The following FBLN1 variants were observed in gnomAD, a reference collection of about 807,000 sequenced individuals.
FBLN1 encodes fibulin-1.
FBLN1 carries 34 observed loss-of-function variants against 89.7 expected under a neutral mutation model. The ratio of observed to expected loss-of-function variants is 0.38; its 90% CI spans 0.29 to 0.50. FBLN1 has a LOEUF of 0.50. Among genes scored for constraint, FBLN1 ranks in the 20% least tolerant of loss-of-function variants. The pLI is 0.92. For missense variants in FBLN1, 777 were observed against 988.1 expected (o/e 0.79, Z 2.86); for synonymous variants, 393 against 391.3 (o/e 1.00, Z -0.05).
chr22:45,515,322 G>A (rs770447540), intron 1 of FBLN1, among the ~76,000 whole-genome samples: 5 of 152,202 alleles, frequency 3.3e-5, no homozygotes, highest in African/African-American at 4.8e-5. Flanking sequence ...TAATGACGGG[G>A]TGAGCTCAGC....
At chr22:45,503,225 C>A (rs2087971665) in intron 1 of FBLN1, 161 bp downstream of exon 1, 1 of 372,592 alleles carries the variant, frequency 2.7e-6, no homozygotes. Flanking sequence ...CCCCCCTCCC[C>A]CACGGCCAGC....
intron 1 of FBLN1, among the ~76,000 whole-genome samples, chr22:45,516,135 G>A (rs1202398282): frequency 1.3e-5 from 2 of 152,196 alleles, no homozygotes; most frequent in Admixed American, 6.5e-5. Flanking sequence ...GCCAGGAGAG[G>A]GTGACAGGGC....
intron 16 of FBLN1, among the ~76,000 whole-genome samples, chr22:45,598,109 T>C (rs2089201611): frequency 6.6e-6 from 1 of 152,198 alleles, no homozygotes; most frequent in Non-Finnish European, 1.5e-5. Context: ...AATCAGCCGT[T>C]TGTGGCAAAC....
chr22:45,529,946 C>G (rs1043835397), intron 4 of FBLN1, among the ~76,000 whole-genome samples: 2 of 152,164 alleles, frequency 1.3e-5, no homozygotes, highest in Non-Finnish European at 2.9e-5. Context: ...CCTGTAGTCT[C>G]TAAGTCAAGG....
chr22:45,595,643 T>G (rs1361975293), intron 16 of FBLN1, among the ~76,000 whole-genome samples: 2 of 152,304 alleles, frequency 1.3e-5, no homozygotes, highest in African/African-American at 4.8e-5. Flanking sequence ...ACAATCATTT[T>G]CTATATGTTC....
At position 45,575,323 on chromosome 22, in the gene FBLN1, A is replaced by AG. The variant is rs1398885901; in HGVS notation, c.1840+674dup. 6.6e-6 allele frequency among the ~76,000 whole-genome samples: 1 copy of AG among 151,882 alleles called. No individual in the cohort carries two copies. The highest frequency in any genetic ancestry group is 1.5e-5 in the Non-Finnish European group (1 of 67,986). ...GAGGTATTTGAGTGAAAGGGGGAGA[A>AG]GGGGAGGAGGGTGCCCAGTGGAGCA... On this transcript the variant is annotated intron_variant, in intron 15 of 16. Transcript: ENST00000327858. The surrounding 1 kb of genome is among the most constrained non-coding windows in gnomAD (Gnocchi z 6.3).
intron 3 of FBLN1, among the ~76,000 whole-genome samples, chr22:45,527,019 A>T (rs953632176): frequency 6.6e-6 from 1 of 152,178 alleles, no homozygotes; most frequent in Admixed American, 6.5e-5. Flanking sequence ...ACCCCAAAAG[A>T]TGGATGAGGT....
intron 1 of FBLN1, among the ~76,000 whole-genome samples, chr22:45,507,146 A>G (rs931889259): frequency 2.0e-5 from 3 of 152,054 alleles, no homozygotes; most frequent in African/African-American, 7.2e-5. Flanking sequence ...TCACCCAGCG[A>G]GGAGCGGGGC....
intron 2 of FBLN1, among the ~76,000 whole-genome samples, chr22:45,519,493 A>G (rs1465061575): frequency 2.6e-5 from 4 of 151,828 alleles, no homozygotes; most frequent in South Asian, 2.1e-4. Flanking sequence ...GCGTGGTGGC[A>G]TGCGCCTGTA....
intron 16 of FBLN1, among the ~76,000 whole-genome samples, chr22:45,584,361 G>T (rs185786383): frequency 6.6e-6 from 1 of 152,128 alleles, no homozygotes; most frequent in Non-Finnish European, 1.5e-5. Context: ...TTTTGAAATC[G>T]CATTTTAAAT....
In FBLN1 at chr22:45,568,490, T is replaced by TCTTCTGTAGGGGAATGCTC. The variant is rs1555959938; in HGVS notation, c.1698-6008_1698-6007insATGCTCCTTCTGTAGGGGA. ...AGTGCTCCTTCTGTAGGGGAATGCCTCTTCTGTAGGGGAGTGCTCCTTCTG... is the reference window on the plus strand; with the variant it reads ...AGTGCTCCTTCTGTAGGGGAATGCCTCTTCTGTAGGGGAATGCTCCTTCTGTAGGGGAGTGCTCCTTCTG... On this transcript the variant is annotated intron_variant, in intron 14 of 16. Transcript: ENST00000327858. Among the ~76,000 whole-genome samples the TCTTCTGTAGGGGAATGCTC allele has an allele frequency of 2.3e-3, 198 of 84,666 alleles. 2 individuals are homozygous for TCTTCTGTAGGGGAATGCTC. Among genetic ancestry groups the TCTTCTGTAGGGGAATGCTC allele is most frequent in the African/African-American group, 6.5e-3 (107 of 16,346 alleles). The allele number at this position is 84,666 out of a possible 152,430, so 55.5% of individuals were successfully genotyped here.
chr22:45,544,369 G>A (rs955661483), intron 11 of FBLN1, among the ~76,000 whole-genome samples: 1 of 152,150 alleles, frequency 6.6e-6, no homozygotes, highest in African/African-American at 2.4e-5. Context: ...TTACAGGCGT[G>A]AGCCACCGCG....
At chr22:45,508,647 T>C (rs930173890) in intron 1 of FBLN1, among the ~76,000 whole-genome samples, 1 of 152,134 alleles carries the variant, frequency 6.6e-6, no homozygotes, top group Admixed American at 6.5e-5. Context: ...TGGTGGGGTG[T>C]GTATGAGCTT....
At chr22:45,505,447 G>A (rs768912900) in intron 1 of FBLN1, among the ~76,000 whole-genome samples, 1 of 152,232 alleles carries the variant, frequency 6.6e-6, no homozygotes, top group African/African-American at 2.4e-5. Flanking sequence ...CAGGGCTGGG[G>A]CCTCTCCTGC....
At chr22:45,535,373 C>G (rs1366348096) in intron 8 of FBLN1, 36 bp downstream of exon 8, 1 of 1,612,606 alleles carries the variant, frequency 6.2e-7, no homozygotes, top group Non-Finnish European at 8.5e-7. Flanking sequence ...CGGGTTATTC[C>G]AGGAGGGGCC....
In FBLN1 at chr22:45,574,773, C is replaced by CTTT; in HGVS notation, c.1840+121_1840+123dup. The CTTT allele has an allele frequency of 5.1e-6, 3 of 591,752 alleles. No individual in the cohort carries two copies. Among genetic ancestry groups the CTTT allele is most frequent in the South Asian group, 2.2e-5 (1 of 45,982 alleles). The allele number at this position is 591,752 out of a possible 1,614,324, so 36.7% of individuals were successfully genotyped here. Reference sequence around the variant, plus strand: ...GTGGCCCAGGCTTTGAAATGCAGAACTTTCTTTTTTTTTTTTTTTTTTTTT... The same window carrying CTTT: ...GTGGCCCAGGCTTTGAAATGCAGAACTTTTTTCTTTTTTTTTTTTTTTTTTTTT... On this transcript the variant is annotated intron_variant, in intron 15 of 16. Coordinates refer to ENST00000327858, the MANE Select transcript of FBLN1 (RefSeq NM_006486.3). This position sits in a 1 kb window ranked among gnomAD's most constrained non-coding sequence, Gnocchi z 4.1.
At chr22:45,522,845 C>G (rs1240377479) in intron 2 of FBLN1, among the ~76,000 whole-genome samples, 1 of 152,222 alleles carries the variant, frequency 6.6e-6, no homozygotes. Context: ...ATTTCTCTAA[C>G]CCCTTCTTTA....
rs879563741 is a variant in FBLN1, at chr22:45,590,466, G to A, written c.1973-9841G>A. 4.2e-4 allele frequency among the ~76,000 whole-genome samples: 64 copies of A among 152,332 alleles called. No individual in the cohort carries two copies. Among genetic ancestry groups the A allele is most frequent in the Non-Finnish European group, 8.1e-4 (55 of 68,026 alleles). ...TGGACGGGGCCGTGGGCCTCAGCAA[G>A]ATGCGTCTCACCTGCTGTGAGCCCG... On this transcript the variant is annotated intron_variant, in intron 16 of 16. Coordinates refer to ENST00000327858, the MANE Select transcript of FBLN1 (RefSeq NM_006486.3). This position sits in a 1 kb window ranked among gnomAD's most constrained non-coding sequence, Gnocchi z 4.1.
chr22:45,519,677 A>G (rs1395363024), intron 2 of FBLN1, among the ~76,000 whole-genome samples: 1 of 151,534 alleles, frequency 6.6e-6, no homozygotes, highest in Non-Finnish European at 1.5e-5. Flanking sequence ...GCTGATCATC[A>G]TCATAAAAAT....
Sources: allele counts gnomAD v4.1 joint callset (sites outside exome capture counted in the v4.1 genomes callset), GRCh38; gene constraint gnomAD v4.1.1; non-coding constraint Gnocchi (gnomAD v3.1); transcripts MANE v1.5; gene names NCBI Gene and HGNC (gene_info 2026-07-23, HGNC 2026-07-21).